The following TYW1B variants were observed in gnomAD, a reference collection of about 807,000 sequenced individuals.
TYW1B encodes the protein S-adenosyl-L-methionine-dependent tRNA 4-demethylwyosine synthase TYW1B.
Under a neutral mutation model 86.9 loss-of-function variants are expected in TYW1B, and 73 were observed. The ratio of observed to expected loss-of-function variants is 0.84; its 90% CI spans 0.70 to 1.02. The LOEUF is 1.02. Ranked by LOEUF, TYW1B falls within the 50% of genes least tolerant of loss-of-function variation. The pLI, the probability that TYW1B is intolerant of heterozygous loss-of-function variation, is 0.00. For synonymous variants in TYW1B, 248 were observed against 292.8 expected (o/e 0.85, Z 1.56); for missense variants, 637 against 827.4 (o/e 0.77, Z 2.82).
chr7:72,738,388 A>G (rs1448737516), intron 8 of TYW1B, among the ~76,000 whole-genome samples: 1 of 152,034 alleles, frequency 6.6e-6, no homozygotes, highest in Non-Finnish European at 1.5e-5. Context: ...CGGCCTGGTC[A>G]CATTCTGTTT....
chr7:72,631,922 A>G (rs1469854494), intron 11 of TYW1B, among the ~76,000 whole-genome samples: 1 of 152,182 alleles, frequency 6.6e-6, no homozygotes. Flanking sequence ...AGCGTATCAT[A>G]CCAAGTATTA....
chr7:72,710,946 G>A (rs1367144386), intron 10 of TYW1B, among the ~76,000 whole-genome samples: 48 of 152,088 alleles, frequency 3.2e-4, no homozygotes, highest in Non-Finnish European at 6.0e-4. Flanking sequence ...CAGGAGCACC[G>A]TCACCTCGGA....
intron 7 of TYW1B, among the ~76,000 whole-genome samples, chr7:72,759,055 G>C (rs1368055028): frequency 6.6e-6 from 1 of 152,206 alleles, no homozygotes; most frequent in African/African-American, 2.4e-5. Context: ...AGGTGGCCAG[G>C]TGCGGTAGCT....
intron 6 of TYW1B, 73 bp from the exon 7 acceptor site, chr7:72,777,606 C>T (rs1194169584): frequency 4.4e-5 from 68 of 1,558,268 alleles, no homozygotes; most frequent in Non-Finnish European, 5.8e-5. Flanking sequence ...TCATGAACAC[C>T]TAGCATCAAT....
At chr7:72,735,676 T>C (rs1554460886) in intron 8 of TYW1B, among the ~76,000 whole-genome samples, 1 of 151,636 alleles carries the variant, frequency 6.6e-6, no homozygotes, top group Non-Finnish European at 1.5e-5. Flanking sequence ...TCAAGATCAG[T>C]CTGGCCAACT....
intron 8 of TYW1B, among the ~76,000 whole-genome samples, chr7:72,743,608 C>G (rs1253115531): frequency 6.6e-6 from 1 of 152,046 alleles, no homozygotes; most frequent in Admixed American, 6.5e-5. Context: ...CTTTGGGAGG[C>G]CGAGGTGGGC....
At chr7:72,648,262 G>T (rs1315238605) in intron 11 of TYW1B, among the ~76,000 whole-genome samples, 11 of 152,044 alleles carry the variant, frequency 7.2e-5, no homozygotes, top group Non-Finnish European at 1.6e-4. Flanking sequence ...CCCCTGCTCT[G>T]CCAGGCGTGG....
intron 6 of TYW1B, among the ~76,000 whole-genome samples, chr7:72,783,095 A>G (rs1788074486): frequency 6.6e-6 from 1 of 151,924 alleles, no homozygotes; most frequent in Non-Finnish European, 1.5e-5. Context: ...TAAACCTGGT[A>G]ACTTTCAATA....
intron 7 of TYW1B, among the ~76,000 whole-genome samples, chr7:72,748,193 T>C (rs1429663286): frequency 2.0e-5 from 3 of 151,702 alleles, no homozygotes; most frequent in African/African-American, 7.3e-5. Flanking sequence ...GGCGGGAACC[T>C]GGAAGGCAGA....
chr7:72,789,388 G>C (rs192536890), intron 6 of TYW1B, among the ~76,000 whole-genome samples: 2 of 149,910 alleles, frequency 1.3e-5, no homozygotes, highest in Non-Finnish European at 3.0e-5. Flanking sequence ...TGCCCGCCTC[G>C]GCCTCCCAAA....
At position 72,815,445 on chromosome 7, in the gene TYW1B, G is replaced by C; in HGVS notation, c.172C>G (p.Leu58Val). The stretch of plus-strand genomic sequence containing the variant: ...TTAATAATGGCCACAGGCAGATCCA[G>C]GGACGTAACTGCTTCAGCAAGAACT... ...ATVLAEAVTS[L>V]DLPVAIINLK... Residue 58 changes from leucine (L) to valine (V), a missense_variant, in exon 3 of 14, where the codon CTG becomes GTG. Coordinates refer to ENST00000620995, the MANE Select transcript of TYW1B (RefSeq NM_001145440.3). 1.2e-6 allele frequency: 2 copies of C among 1,610,560 alleles called. No individual in the cohort carries two copies. The highest frequency in any genetic ancestry group is 2.2e-5 in the South Asian group (2 of 89,706).
chr7:72,604,515 CT>C (rs2129568131), intron 13 of TYW1B, among the ~76,000 whole-genome samples: 1 of 152,200 alleles, frequency 6.6e-6, no homozygotes, highest in East Asian at 1.9e-4. Flanking sequence ...TTTTGAAACA[CT>C]GCTATGTGGA....
chr7:72,632,456 T>C (rs1278177606), intron 11 of TYW1B, among the ~76,000 whole-genome samples: 1 of 97,036 alleles, frequency 1.0e-5, no homozygotes, highest in African/African-American at 5.3e-5. Flanking sequence ...ATAAAATATA[T>C]ATATACATAT....
intron 2 of TYW1B, among the ~76,000 whole-genome samples, chr7:72,818,868 T>C (rs868974695): frequency 2.0e-5 from 3 of 152,024 alleles, no homozygotes; most frequent in Admixed American, 6.6e-5. Context: ...AGGGAGATGG[T>C]GCTAAACCAC....
At chr7:72,769,256 G>A (rs1337165665) in intron 7 of TYW1B, 19 of 215,608 alleles carry the variant, frequency 8.8e-5, no homozygotes. Context: ...CTGTTTGCAT[G>A]CATTGTGCAT....
intron 11 of TYW1B, among the ~76,000 whole-genome samples, chr7:72,641,654 G>A (rs1258503498): frequency 2.6e-5 from 4 of 152,116 alleles, no homozygotes; most frequent in African/African-American, 7.2e-5. Context: ...ACTGGTTTAC[G>A]AGGTATGGGG....
At chr7:72,644,497 G>T (rs1379852956) in intron 11 of TYW1B, among the ~76,000 whole-genome samples, 1 of 152,244 alleles carries the variant, frequency 6.6e-6, no homozygotes, top group African/African-American at 2.4e-5. Flanking sequence ...GCAGTAAAAT[G>T]AGATCGTGCT....
chr7:72,807,465 C>T (rs1788520828), intron 4 of TYW1B, 109 bp from the exon 5 acceptor site: 1 of 1,413,594 alleles, frequency 7.1e-7, no homozygotes, highest in Non-Finnish European at 9.5e-7. Context: ...CATGGGCTAC[C>T]ACTAAGAAAG....
chr7:72,758,611 C>T (rs953167730), intron 7 of TYW1B, among the ~76,000 whole-genome samples: 4 of 152,120 alleles, frequency 2.6e-5, no homozygotes, highest in South Asian at 2.1e-4. Context: ...CACCATGATT[C>T]GCCTTTTCTG....
Sources: gnomAD v4.1 joint callset for allele counts (sites outside exome capture counted in the v4.1 genomes callset) on GRCh38, gnomAD v4.1.1 for gene constraint, MANE v1.5 for transcripts, NCBI Gene and HGNC (gene_info 2026-07-23, HGNC 2026-07-21) for gene names.